The following AOPEP variants were observed in gnomAD, a reference collection of about 807,000 sequenced individuals.
The protein encoded by AOPEP is aminopeptidase O (putative).
Under a neutral mutation model 98.1 loss-of-function variants are expected in AOPEP, and 77 were observed. The ratio of observed to expected loss-of-function variants is 0.78; its 90% CI spans 0.65 to 0.95. The LOEUF is 0.95. AOPEP is among the 40% of genes least tolerant of loss of function. AOPEP has a pLI of 0.00. For missense variants in AOPEP, 1,024 were observed against 1,024.7 expected (o/e 1.00, Z 0.01); for synonymous variants, 346 against 365.3 (o/e 0.95, Z 0.60).
chr9:94,979,392 T>A lies in AOPEP; in HGVS notation c.1942T>A (p.Tyr648Asn). Residue 648 changes from tyrosine to asparagine, a missense_variant, in exon 11 of 17, where the codon TAC becomes AAC. Around this residue, in one of 3 missense-constraint regions of AOPEP, gnomAD observed 566 missense variants for 551.7 expected, o/e 1.03. Coordinates refer to ENST00000375315, the MANE Select transcript of AOPEP (RefSeq NM_001193329.3). ...KRLELSVENI[Y>N]QDWLESSGIP... ...GCTTGAGCTGTCTGTTGAAAACATC[T>A]ACCAAGACTGGCTTGAGAGTTCCGG... is the stretch of plus-strand genomic sequence containing the variant. 2 of 1,603,548 alleles carry A rather than the reference T, an allele frequency of 1.2e-6. No individual in the cohort carries two copies. The highest frequency in any genetic ancestry group is 2.7e-5 in the African/African-American group (2 of 74,974).
intron 5 of AOPEP, 37 bp from the exon 6 acceptor site, chr9:94,923,949 A>C: frequency 1.5e-6 from 2 of 1,345,138 alleles, no homozygotes; most frequent in Non-Finnish European, 1.9e-6. Flanking sequence ...ACAGGCTCTA[A>C]CAAGACTCTG....
At chr9:95,097,616 C>T in the AOPEP span, among the ~76,000 whole-genome samples, 3 of 152,222 alleles carry the variant, frequency 2.0e-5, no homozygotes, top group Non-Finnish European at 2.9e-5. Flanking sequence ...TTCATCAGTT[C>T]CCCTTTACTT....
At chr9:94,774,658 A>T (rs1841677655) in intron 3 of AOPEP, among the ~76,000 whole-genome samples, 1 of 152,172 alleles carries the variant, frequency 6.6e-6, no homozygotes, top group African/African-American at 2.4e-5. Context: ...TGATTATTTC[A>T]GTTTTTTTCC....
intron 5 of AOPEP, among the ~76,000 whole-genome samples, chr9:94,876,959 T>G (rs1474068776): frequency 6.6e-6 from 1 of 152,138 alleles, no homozygotes; most frequent in Non-Finnish European, 1.5e-5. Flanking sequence ...TTTTCCCAAT[T>G]TACAGATTAT....
At chr9:94,914,223 CA>C (rs1272158153) in intron 5 of AOPEP, among the ~76,000 whole-genome samples, 4 of 152,132 alleles carry the variant, frequency 2.6e-5, no homozygotes, top group Non-Finnish European at 4.4e-5. Context: ...AAAAACCACA[CA>C]CATGATTATA....
chr9:95,097,616 C>G, the AOPEP span, among the ~76,000 whole-genome samples: 2 of 152,222 alleles, frequency 1.3e-5, no homozygotes, highest in Admixed American at 6.5e-5. Context: ...TTCATCAGTT[C>G]CCCTTTACTT....
intron 3 of AOPEP, among the ~76,000 whole-genome samples, chr9:94,788,367 C>T (rs1844903625): frequency 6.6e-6 from 1 of 152,120 alleles, no homozygotes; most frequent in South Asian, 2.1e-4. Context: ...CACATCCGGC[C>T]TTCATTTATA....
At chr9:94,851,334 A>G (rs981419173) in intron 5 of AOPEP, among the ~76,000 whole-genome samples, 2 of 152,214 alleles carry the variant, frequency 1.3e-5, no homozygotes, top group Non-Finnish European at 2.9e-5. Flanking sequence ...GGGAATATGC[A>G]GATATTTTCT....
chr9:94,821,171 T>TC, intron 5 of AOPEP, among the ~76,000 whole-genome samples: 1 of 151,938 alleles, frequency 6.6e-6, no homozygotes, highest in East Asian at 1.9e-4. Flanking sequence ...TATGCTTTTT[T>TC]GGGCTTTTGG....
At chr9:94,833,088 A>G (rs1386038079) in intron 5 of AOPEP, among the ~76,000 whole-genome samples, 1 of 151,928 alleles carries the variant, frequency 6.6e-6, no homozygotes, top group Non-Finnish European at 1.5e-5. Flanking sequence ...GGTGCGTGCC[A>G]CCATGCCCTG....
At chr9:95,139,628 G>T in the AOPEP span, among the ~76,000 whole-genome samples, 1 of 151,810 alleles carries the variant, frequency 6.6e-6, no homozygotes, top group Non-Finnish European at 1.5e-5. Context: ...TGGTTAAAAA[G>T]CAGGCTCTGG....
At chr9:94,767,007 C>T (rs1588115789) in intron 2 of AOPEP, among the ~76,000 whole-genome samples, 1 of 152,112 alleles carries the variant, frequency 6.6e-6, no homozygotes. Flanking sequence ...CCCCTCCCCC[C>T]ACTGAATTAA....
intron 5 of AOPEP, among the ~76,000 whole-genome samples, chr9:94,885,197 A>G (rs2135938736): frequency 6.6e-6 from 1 of 151,508 alleles, no homozygotes; most frequent in East Asian, 1.9e-4. Context: ...AAACATACAA[A>G]AATTAGCCAG....
chr9:94,820,949 G>T (rs538247908), intron 5 of AOPEP, among the ~76,000 whole-genome samples: 41 of 152,288 alleles, frequency 2.7e-4, no homozygotes, highest in African/African-American at 9.4e-4. Flanking sequence ...AGTGGAAGCC[G>T]TAATGACTCC....
intron 1 of AOPEP, among the ~76,000 whole-genome samples, chr9:94,751,595 T>A (rs1025469097): frequency 5.3e-5 from 8 of 152,190 alleles, no homozygotes; most frequent in Non-Finnish European, 7.3e-5. Flanking sequence ...ATAATCCAGC[T>A]TTCTATGTAT....
At chr9:95,033,736 C>T (rs1587707400) in intron 13 of AOPEP, among the ~76,000 whole-genome samples, 1 of 152,108 alleles carries the variant, frequency 6.6e-6, no homozygotes, top group East Asian at 1.9e-4. Flanking sequence ...CAGTCTTTGT[C>T]AGGGTTCAGC....
Position 95,012,674 on chromosome 9 carries a change from T to C in AOPEP, c.2115+7058T>C, listed in dbSNP as rs568875520. On this transcript the variant is annotated intron_variant, in intron 13 of 16. Coordinates refer to ENST00000375315, the MANE Select transcript of AOPEP (RefSeq NM_001193329.3). ...ATTGGAGGAGGCTGACAGCAGCGTG[T>C]ATCGAGTCTAGCCAACATATATTTC... 3.9e-5 allele frequency among the ~76,000 whole-genome samples: 6 copies of C among 152,232 alleles called. No homozygotes were observed. In the South Asian group the frequency reaches 1.0e-3, roughly 26 times the overall value.
chr9:94,949,415 C>T (rs2057937390), intron 7 of AOPEP, among the ~76,000 whole-genome samples: 1 of 152,194 alleles, frequency 6.6e-6, no homozygotes, highest in South Asian at 2.1e-4. Flanking sequence ...GGGTACCCAC[C>T]ACTGGGTCCT....
At chr9:95,090,550 T>A (rs7851996), downstream of AOPEP, among the ~76,000 whole-genome samples, 3 of 152,132 alleles carry the variant, frequency 2.0e-5, no homozygotes, top group African/African-American at 7.2e-5. Context: ...GGGCCCCCCC[T>A]TCGAAGGGAG....
Sources: gnomAD v4.1 joint callset for allele counts (sites outside exome capture counted in the v4.1 genomes callset) on GRCh38, gnomAD v4.1.1 for gene constraint, gnomAD v4.1.1 regional missense constraint, MANE v1.5 for transcripts, NCBI Gene and HGNC (gene_info 2026-07-23, HGNC 2026-07-21) for gene names.